CSGALNACT1: variants seen among roughly 807,000 people sequenced by gnomAD.
CSGALNACT1 encodes the protein chondroitin sulfate N-acetylgalactosaminyltransferase 1, also known as beta4GalNAcT-1.
CSGALNACT1 carries 52 observed loss-of-function variants against 51.0 expected under a neutral mutation model. The observed-to-expected ratio is 1.02, with a 90% CI of 0.82 to 1.29. The LOEUF is 1.29. CSGALNACT1 is among the 50% of genes most tolerant of loss of function. The probability of loss-of-function intolerance (pLI) is 0.00; values close to 1 mark genes in which losing one functional copy is unlikely to be tolerated. For missense variants in CSGALNACT1, 935 were observed against 679.2 expected, an observed-to-expected ratio of 1.38 and a Z score of -4.19; for synonymous variants, 341 against 254.4, an observed-to-expected ratio of 1.34 and a Z score of -3.24.
exon 2 of CSGALNACT1, chr8:19,601,823 G>A (rs1248133530): frequency 2.2e-6 from 1 of 453,940 alleles, no homozygotes; most frequent in Non-Finnish European, 4.4e-6. Context: ...TGCTCCTCTG[G>A]GTCAAAATTA....
intron 5 of CSGALNACT1, among the ~76,000 whole-genome samples, chr8:19,443,922 G>T (rs2061717171): frequency 6.6e-6 from 1 of 152,162 alleles, no homozygotes; most frequent in African/African-American, 2.4e-5. Flanking sequence ...GCATGAAACT[G>T]TTCCATCTCA....
intron 4 of CSGALNACT1, among the ~76,000 whole-genome samples, chr8:19,485,592 C>T (rs1163968245): frequency 6.6e-6 from 1 of 151,992 alleles, no homozygotes; most frequent in Admixed American, 6.6e-5. Context: ...AGCCTACTAG[C>T]TTATTTACTA....
intron 3 of CSGALNACT1, among the ~76,000 whole-genome samples, chr8:19,568,861 T>C (rs112352959): frequency 7.9e-5 from 12 of 152,220 alleles, no homozygotes; most frequent in African/African-American, 2.9e-4. Flanking sequence ...TGGGGATATT[T>C]ATCAAGACTT....
In CSGALNACT1 at chr8:19,521,069, G is replaced by T. The variant is rs577131953; in HGVS notation, c.-296-14939C>A. 1.5e-3 allele frequency among the ~76,000 whole-genome samples: 235 copies of T among 152,162 alleles called. 1 individual carries two copies. Among genetic ancestry groups the T allele is most frequent in the African/African-American group, 5.4e-3 (226 of 41,516 alleles). On this transcript the variant is annotated intron_variant, in intron 3 of 9. Coordinates refer to ENST00000454498, the Ensembl canonical transcript of CSGALNACT1. Reference sequence around the variant, plus strand: ...GAGCGTAAGGGCAAAAGGGAGGTGTGCGGGGAGACATCATAGCAAAGGGCC... The same window carrying T: ...GAGCGTAAGGGCAAAAGGGAGGTGTTCGGGGAGACATCATAGCAAAGGGCC...
chr8:19,416,942 A>T (rs1563290245), intron 8 of CSGALNACT1, among the ~76,000 whole-genome samples: 2 of 151,912 alleles, frequency 1.3e-5, no homozygotes, highest in Non-Finnish European at 2.9e-5. Flanking sequence ...AGCTCACTAC[A>T]GCCTCTGCCT....
intron 4 of CSGALNACT1, among the ~76,000 whole-genome samples, chr8:19,468,958 C>G (rs1276999865): frequency 6.6e-6 from 1 of 152,134 alleles, no homozygotes; most frequent in Non-Finnish European, 1.5e-5. Flanking sequence ...CATGGATGTG[C>G]AAGGGTCACT....
chr8:19,715,046 A>C (rs1040061501), intron 1 of CSGALNACT1, among the ~76,000 whole-genome samples: 1 of 152,186 alleles, frequency 6.6e-6, no homozygotes, highest in Non-Finnish European at 1.5e-5. Flanking sequence ...AAGAGGTTTA[A>C]TTGGACTTAT....
At chr8:19,655,537 T>TATATCTATATGCAC (rs2058183404) in intron 1 of CSGALNACT1, among the ~76,000 whole-genome samples, 1 of 32,162 alleles carries the variant, frequency 3.1e-5, no homozygotes, top group African/African-American at 1.3e-4. Context: ...TTTTTACATA[T>TATATCTATATGCAC]ACATCTATAT....
At chr8:19,645,091 T>C (rs1188075836) in intron 1 of CSGALNACT1, among the ~76,000 whole-genome samples, 1 of 152,240 alleles carries the variant, frequency 6.6e-6, no homozygotes, top group Admixed American at 6.5e-5. Flanking sequence ...ACCTTGATTT[T>C]GATATGATTA....
At position 19,566,849 on chromosome 8, in the gene CSGALNACT1, T is replaced by A. The variant is rs1410552759; in HGVS notation, c.-297+24311A>T. On this transcript the variant is annotated intron_variant, in intron 3 of 9. Coordinates refer to ENST00000454498, the Ensembl canonical transcript of CSGALNACT1. The stretch of plus-strand genomic sequence containing the variant: ...GGAGTCTTAGAGCAAAAGCAGCCCT[T>A]GATGAGTACTTACAGCCAACCCCCC... Among the ~76,000 whole-genome samples the A allele has an allele frequency of 1.4e-4, 22 of 152,160 alleles. 1 individual carries two copies.
At chr8:19,526,285 T>C (rs2081686106) in intron 3 of CSGALNACT1, among the ~76,000 whole-genome samples, 1 of 152,098 alleles carries the variant, frequency 6.6e-6, no homozygotes, top group Non-Finnish European at 1.5e-5. Flanking sequence ...CCCTTAACTT[T>C]TAAGATTTAT....
chr8:19,549,940 T>G (rs2087535203), intron 3 of CSGALNACT1, among the ~76,000 whole-genome samples: 1 of 152,126 alleles, frequency 6.6e-6, no homozygotes, highest in African/African-American at 2.4e-5. Context: ...GACCTACCTT[T>G]TCTCTGTTAA....
intron 3 of CSGALNACT1, among the ~76,000 whole-genome samples, chr8:19,511,139 C>T (rs761634795): frequency 1.7e-4 from 26 of 152,246 alleles, no homozygotes; most frequent in Non-Finnish European, 3.4e-4. Flanking sequence ...AAGGCCAGGG[C>T]AGGCAGCACT....
intron 3 of CSGALNACT1, among the ~76,000 whole-genome samples, chr8:19,513,436 C>CTCTCTCTCTCTCTCTCTCTATA: frequency 4.9e-5 from 4 of 81,982 alleles, no homozygotes; most frequent in South Asian, 4.4e-4. Context: ...CTCTCTCTCT[C>CTCTCTCTCTCTCTCTCTCTATA]TATATATATA....
chr8:19,513,897 G>A (rs1429771706), intron 3 of CSGALNACT1, among the ~76,000 whole-genome samples: 1 of 152,058 alleles, frequency 6.6e-6, no homozygotes, highest in Non-Finnish European at 1.5e-5. Context: ...CTGACAAAAT[G>A]TTACACATCA....
rs565243852 is a variant in CSGALNACT1, at chr8:19,444,161, CCT to C, written c.852-4232_852-4231del. ...GTGTGTGGACCAGGAGTTGGGGCCC[CCT>C]GTCTTATAACATGGTGTGATATTGG... On this transcript the variant is annotated intron_variant, in intron 5 of 9. Transcript: ENST00000454498. Among the ~76,000 whole-genome samples the C allele has an allele frequency of 1.5e-4, 23 of 152,300 alleles. No individual in the cohort carries two copies. In the East Asian group the frequency reaches 4.4e-3, roughly 29 times the overall value.
At chr8:19,653,887 T>C (rs1314880706) in intron 1 of CSGALNACT1, among the ~76,000 whole-genome samples, 2 of 152,164 alleles carry the variant, frequency 1.3e-5, no homozygotes, top group Non-Finnish European at 2.9e-5. Flanking sequence ...CATCTCCCCT[T>C]AGTTATCATA....
At chr8:19,454,387 T>C (rs952026242) in intron 5 of CSGALNACT1, among the ~76,000 whole-genome samples, 1 of 152,188 alleles carries the variant, frequency 6.6e-6, no homozygotes, top group Admixed American at 6.5e-5. Context: ...AGTAACAGAT[T>C]GCAGCCAGGC....
intron 8 of CSGALNACT1, among the ~76,000 whole-genome samples, chr8:19,413,866 C>T (rs2056369326): frequency 6.6e-6 from 1 of 152,178 alleles, no homozygotes; most frequent in Non-Finnish European, 1.5e-5. Context: ...GCTCACCTGG[C>T]AACAAGGCTG....
Sources: gnomAD v4.1 joint callset for allele counts (sites outside exome capture counted in the v4.1 genomes callset) on GRCh38, gnomAD v4.1.1 for gene constraint, MANE v1.5 for transcripts, NCBI Gene and HGNC (gene_info 2026-07-23, HGNC 2026-07-21) for gene names.